The following DHX57 variants were observed in gnomAD, a reference collection of about 807,000 sequenced individuals.
DHX57 encodes DExH-box helicase 57, also known as putative ATP-dependent RNA helicase DHX57.
Under a neutral mutation model 156.2 loss-of-function variants are expected in DHX57, and 105 were observed. The ratio of observed to expected loss-of-function variants is 0.67; its 90% CI spans 0.57 to 0.79. The LOEUF (loss-of-function observed/expected upper bound fraction) is 0.79. Among genes scored for constraint, DHX57 ranks in the 30% least tolerant of loss-of-function variants. The pLI, the probability that DHX57 is intolerant of heterozygous loss-of-function variation, is 0.00. For missense variants in DHX57, 1,847 were observed against 1,661.9 expected (o/e 1.11, Z -1.94); for synonymous variants, 704 against 595.6 (o/e 1.18, Z -2.65).
rs777468670 is a variant in DHX57 at position 38,826,685 on chromosome 2, C to T, written c.2644G>A (p.Val882Ile). ...LFNNRRSNRCVIHPLHSSLSS... is the reference protein window; with the variant it reads ...LFNNRRSNRCIIHPLHSSLSS... ...AAAGATGAATGAAGTGGGTGAATAACACATCTGGAAGGAAATAAAAGCACA... is the reference window on the plus strand; with the variant it reads ...AAAGATGAATGAAGTGGGTGAATAATACATCTGGAAGGAAATAAAAGCACA... The change falls in exon 15 of 24, where the codon GTT (valine) becomes ATT (isoleucine). Residue 882 changes from valine (V) to isoleucine (I), a missense_variant. Physicochemically the swap from Val to Ile is conservative, Grantham distance 29. Coordinates refer to ENST00000457308, the MANE Select transcript of DHX57 (RefSeq NM_198963.3). 10 of 1,613,844 alleles carry T rather than the reference C, an allele frequency of 6.2e-6. No individual in the cohort carries two copies. The highest frequency in any genetic ancestry group is 3.3e-5 in the South Asian group (3 of 91,046).
At chr2:38,831,500 C>G (rs1438781682) in intron 13 of DHX57, among the ~76,000 whole-genome samples, 2 of 151,924 alleles carry the variant, frequency 1.3e-5, no homozygotes, top group East Asian at 3.9e-4. Flanking sequence ...AACATTTCTT[C>G]TTCATTTCTG....
intron 13 of DHX57, among the ~76,000 whole-genome samples, chr2:38,833,010 G>A (rs1009069273): frequency 2.8e-5 from 4 of 143,384 alleles, no homozygotes; most frequent in Non-Finnish European, 6.0e-5. Flanking sequence ...TTTCTGAGAC[G>A]GAGTTTTGCT....
rs935354198 is a variant in DHX57, at chr2:38,842,869, T to C, written c.2425+136A>G. On this transcript the variant is annotated intron_variant, in intron 12 of 23. Coordinates refer to ENST00000457308, the MANE Select transcript of DHX57 (RefSeq NM_198963.3). ...TATGTATCTGAACTATTTTTCTAGG[T>C]TTAAGGTTGCTCTGATGAATTAAAG... The C allele has an allele frequency of 3.4e-6, 3 of 886,052 alleles. No homozygotes were observed. In the African/African-American group the frequency reaches 5.1e-5, roughly 15 times the overall value. 54.9% of individuals were successfully genotyped at this position (886,052 alleles called of 1,614,324 possible).
At chr2:38,865,353 G>T (rs1417581859) in intron 2 of DHX57, among the ~76,000 whole-genome samples, 2 of 151,992 alleles carry the variant, frequency 1.3e-5, no homozygotes, top group Admixed American at 1.3e-4. Flanking sequence ...TTTTATAAGG[G>T]GTGTCCCCCT....
At position 38,826,609 on chromosome 2, in the gene DHX57, G is replaced by A. The variant is rs137955748; in HGVS notation, c.2720C>T (p.Thr907Ile). 1 of 1,613,974 alleles carries A rather than the reference G, an allele frequency of 6.2e-7. No homozygotes were observed. The highest frequency in any genetic ancestry group is 8.5e-7 in the Non-Finnish European group (1 of 1,180,030). The change falls in exon 15 of 24, where the codon ACT becomes ATT. Residue 907 changes from threonine to isoleucine, a missense_variant. Coordinates refer to ENST00000457308, the MANE Select transcript of DHX57 (RefSeq NM_198963.3). The stretch of plus-strand genomic sequence containing the variant: ...AATGTTGGTGGAAATTATAATCTTA[G>A]TTACTCCTGCAGGAGGTTTTACAAA... ...AVFVKPPAGV[T>I]KIIISTNIAE... is the part of the protein sequence containing the mutation.
intron 12 of DHX57, among the ~76,000 whole-genome samples, chr2:38,842,624 T>C (rs1398323091): frequency 1.3e-5 from 2 of 152,108 alleles, no homozygotes; most frequent in Non-Finnish European, 2.9e-5. Flanking sequence ...AAGTAAACAT[T>C]AACAACTGGT....
At chr2:38,817,692 G>A (rs1283380794) in intron 19 of DHX57, among the ~76,000 whole-genome samples, 1 of 151,840 alleles carries the variant, frequency 6.6e-6, no homozygotes, top group Non-Finnish European at 1.5e-5. Flanking sequence ...CAGAAGATAA[G>A]ACATTTTTTA....
At chr2:38,874,414 T>A (rs1306423534) in intron 1 of DHX57, among the ~76,000 whole-genome samples, 1 of 139,232 alleles carries the variant, frequency 7.2e-6, no homozygotes, top group East Asian at 2.1e-4. Flanking sequence ...TTTTTTTTTT[T>A]TTTTTTTTTT....
intron 13 of DHX57, among the ~76,000 whole-genome samples, chr2:38,833,045 G>A (rs1378782331): frequency 7.1e-6 from 1 of 141,412 alleles, no homozygotes; most frequent in African/African-American, 2.7e-5. Flanking sequence ...GTGAGCCACT[G>A]TGCCTGGCCG....
intron 13 of DHX57, among the ~76,000 whole-genome samples, chr2:38,834,417 T>C (rs1671544736): frequency 1.3e-5 from 2 of 152,136 alleles, no homozygotes; most frequent in African/African-American, 2.4e-5. Context: ...AATAACTTTA[T>C]TTAAAAAATG....
In DHX57 at chr2:38,872,556, G is replaced by A. The variant is rs28445979; in HGVS notation, c.-7+3231C>T. On this transcript the variant is annotated intron_variant, in intron 1 of 23. Coordinates refer to ENST00000457308, the MANE Select transcript of DHX57 (RefSeq NM_198963.3). ...ATGGAAAAAGATGATCTTGCAAACA[G>A]CAACTACAAGAAAGGTGGAGTGGCT... 3.0e-3 allele frequency among the ~76,000 whole-genome samples: 461 copies of A among 152,218 alleles called. 2 individuals are homozygous for A. Among genetic ancestry groups the A allele is most frequent in the Non-Finnish European group, 4.1e-3 (281 of 68,006 alleles).
chr2:38,830,033 G>A (rs1032294392), intron 13 of DHX57, among the ~76,000 whole-genome samples: 1 of 152,162 alleles, frequency 6.6e-6, no homozygotes, highest in Non-Finnish European at 1.5e-5. Flanking sequence ...TATTCAGGGA[G>A]AAAAATGGTA....
At chr2:38,800,136 G>C (rs1162934562) in intron 23 of DHX57, among the ~76,000 whole-genome samples, 4 of 146,910 alleles carry the variant, frequency 2.7e-5, no homozygotes, top group Non-Finnish European at 4.4e-5. Context: ...GGTGAGCCGA[G>C]ATGGCACCAT....
chr2:38,811,634 C>T, intron 21 of DHX57: 1 of 1,343,940 alleles, frequency 7.4e-7, no homozygotes. Flanking sequence ...AGGCCAGAAC[C>T]ATGGAGCCTT....
intron 2 of DHX57, 56 bp downstream of exon 2, chr2:38,868,126 A>C (rs1432676396): frequency 6.3e-7 from 1 of 1,588,862 alleles, no homozygotes; most frequent in Non-Finnish European, 8.6e-7. Flanking sequence ...CTGTTGTCCC[A>C]TACATTAGGG....
intron 5 of DHX57, 122 bp downstream of exon 5, chr2:38,860,877 G>A: frequency 1.2e-6 from 1 of 820,248 alleles, no homozygotes; most frequent in Non-Finnish European, 2.0e-6. Context: ...TTGCCCTTGG[G>A]ACTTAATGGC....
chr2:38,819,245 G>C (rs540559307), intron 17 of DHX57, 101 bp from the exon 18 acceptor site: 1 of 1,033,640 alleles, frequency 9.7e-7, no homozygotes. Context: ...TGCGATCATA[G>C]CCCACTGCAA....
At chr2:38,870,574 T>C (rs1469049415) in intron 1 of DHX57, among the ~76,000 whole-genome samples, 1 of 152,124 alleles carries the variant, frequency 6.6e-6, no homozygotes, top group African/African-American at 2.4e-5. Context: ...CATATATATT[T>C]AAAATACTCA....
intron 21 of DHX57, among the ~76,000 whole-genome samples, chr2:38,808,290 T>A (rs1351984660): frequency 6.6e-6 from 1 of 152,088 alleles, no homozygotes; most frequent in Non-Finnish European, 1.5e-5. Flanking sequence ...CAAATTTATA[T>A]TTATATATAG....
Sources: allele counts gnomAD v4.1 joint callset (sites outside exome capture counted in the v4.1 genomes callset), GRCh38; gene constraint gnomAD v4.1.1; transcripts MANE v1.5; gene names NCBI Gene and HGNC (gene_info 2026-07-23, HGNC 2026-07-21).